The following BRF1 variants were observed in gnomAD, a reference collection of about 807,000 sequenced individuals.
BRF1 encodes transcription factor IIIB 90 kDa subunit.
BRF1 carries 59 observed loss-of-function variants against 81.7 expected under a neutral mutation model. That is an observed-to-expected ratio of 0.72 (90% CI 0.59 to 0.90). The LOEUF is 0.90. Among genes scored for constraint, BRF1 ranks in the 40% least tolerant of loss-of-function variants. The pLI, the probability that BRF1 is intolerant of heterozygous loss-of-function variation, is 0.00. For missense variants in BRF1, 1,050 were observed against 936.3 expected (o/e 1.12, Z -1.58); for synonymous variants, 491 against 395.6 (o/e 1.24, Z -2.86).
intron 14 of BRF1, among the ~76,000 whole-genome samples, chr14:105,218,709 G>A (rs967708718): frequency 2.0e-5 from 3 of 152,246 alleles, no homozygotes; most frequent in Non-Finnish European, 2.9e-5. Flanking sequence ...GGACCCCAGC[G>A]TCCAGCCCCG....
chr14:105,251,576 C>T (rs1025275667), intron 5 of BRF1, among the ~76,000 whole-genome samples: 2 of 152,168 alleles, frequency 1.3e-5, no homozygotes, highest in African/African-American at 4.8e-5. Context: ...CCTCTTGGCA[C>T]CTGGGAGAGG....
upstream of BRF1, among the ~76,000 whole-genome samples, chr14:105,305,086 A>G (rs2058148059): frequency 1.3e-5 from 2 of 152,196 alleles, no homozygotes; most frequent in Non-Finnish European, 2.9e-5. Flanking sequence ...TGCTTCCCTC[A>G]TGAGCGGGAT....
At chr14:105,252,703 C>G in intron 4 of BRF1, 124 bp from the exon 5 acceptor site, 2 of 1,027,766 alleles carry the variant, frequency 1.9e-6, no homozygotes, top group East Asian at 2.8e-5. Flanking sequence ...AGCAGCCACC[C>G]CACACCCGCA....
intron 5 of BRF1, chr14:105,251,175 C>G (rs116165823): frequency 6.3e-6 from 1 of 159,242 alleles, no homozygotes; most frequent in Non-Finnish European, 1.4e-5. Flanking sequence ...CCTCCCATCC[C>G]GAGGAGAAAA....
chr14:105,210,569 A>G lies in BRF1; in HGVS notation c.2016T>C (p.Asp672=), dbSNP rs2141334479. ...MGSNDYGCDG[D]EDDGY ...CCACACTTCAGTAGCCGTCGTCCTC[A>G]TCGCCATCACAGCCATAGTCTGCAG... Residue 672 remains aspartate, a synonymous_variant, in exon 18 of 18, where the codon GAT becomes GAC. Transcript: ENST00000547530. This position sits in a 1 kb window ranked among gnomAD's most constrained non-coding sequence, Gnocchi z 4.7. 6.2e-7 allele frequency: 1 copy of G among 1,611,682 alleles called. No homozygotes were observed. Among genetic ancestry groups the G allele is most frequent in the Admixed American group, 1.7e-5 (1 of 59,990 alleles).
Position 105,309,688 on chromosome 14 carries a change from C to T in BRF1, c.-162+5634G>A, listed in dbSNP as rs1036474875. On this transcript the variant is annotated intron_variant, in intron 1 of 17. Coordinates refer to the BRF1 transcript ENST00000327359. The surrounding 1 kb of genome is among the most constrained non-coding windows in gnomAD (Gnocchi z 4.0). ...TGCGCCCAACCCAGGAGGGGAGCAGCGTGCAGGACACCGAGGATGTCATCA... is the reference window on the plus strand; with the variant it reads ...TGCGCCCAACCCAGGAGGGGAGCAGTGTGCAGGACACCGAGGATGTCATCA... 4.0e-5 allele frequency among the ~76,000 whole-genome samples: 6 copies of T among 150,024 alleles called. No individual in the cohort carries two copies. Among genetic ancestry groups the T allele is most frequent in the Non-Finnish European group, 5.9e-5 (4 of 67,614 alleles).
chr14:105,228,837 C>T lies in BRF1; in HGVS notation c.771G>A (p.Glu257=), dbSNP rs771649813. 12 of 1,613,940 alleles carry T rather than the reference C, an allele frequency of 7.4e-6. No homozygotes were observed. Among genetic ancestry groups the T allele is most frequent in the Middle Eastern group, 1.7e-4 (1 of 6,060 alleles). ...CCCCTCACCTCTTCCGCAGCGTGGA[C>T]TCACACACTTTGACCACACTGATGA... The part of the protein sequence containing the change: ...KEVISVVKVC[E]STLRKRLTEF... The change falls in exon 7 of 18, where the codon GAG becomes GAA. Residue 257 remains glutamate (E), a synonymous_variant. Coordinates refer to ENST00000547530, the MANE Select transcript of BRF1 (RefSeq NM_001519.4).
chr14:105,256,195 A>G, intron 4 of BRF1: 1 of 1,531,782 alleles, frequency 6.5e-7, no homozygotes, highest in Non-Finnish European at 8.7e-7. Flanking sequence ...GTACTCACAA[A>G]AAAATTTTTT....
At chr14:105,259,606 T>C (rs1036594294) in intron 3 of BRF1, among the ~76,000 whole-genome samples, 2 of 152,216 alleles carry the variant, frequency 1.3e-5, no homozygotes, top group African/African-American at 4.8e-5. Flanking sequence ...CAAAACACCA[T>C]GGGCGCCTCT....
intron 2 of BRF1, among the ~76,000 whole-genome samples, chr14:105,281,939 A>C (rs1415513633): frequency 6.6e-6 from 1 of 152,134 alleles, no homozygotes; most frequent in Non-Finnish European, 1.5e-5. Flanking sequence ...ACAGACCAAG[A>C]GAACAGAAAA....
At position 105,241,466 on chromosome 14, in the gene BRF1, C is replaced by T. The variant is rs376561535; in HGVS notation, c.545-52G>A. 39 of 1,601,508 alleles carry T rather than the reference C, an allele frequency of 2.4e-5. No individual in the cohort carries two copies. In the East Asian group the frequency reaches 3.8e-4, roughly 16 times the overall value. On this transcript the variant is annotated intron_variant, in intron 5 of 17. Coordinates refer to ENST00000547530, the MANE Select transcript of BRF1 (RefSeq NM_001519.4). Reference sequence around the variant, plus strand: ...CCACCTCCATGTGCCATGGCACGTGCACAGGCGGCCCACGCAGCCCAGGGG... The same window carrying T: ...CCACCTCCATGTGCCATGGCACGTGTACAGGCGGCCCACGCAGCCCAGGGG...
At chr14:105,229,566 G>A (rs375037560) in intron 6 of BRF1, among the ~76,000 whole-genome samples, 5 of 152,232 alleles carry the variant, frequency 3.3e-5, no homozygotes, top group East Asian at 3.8e-4. Context: ...AGCACCAAGG[G>A]CAAAGTGAGA....
chr14:105,256,302 G>C lies in BRF1; in HGVS notation c.471+216C>G, dbSNP rs768936198. On this transcript the variant is annotated intron_variant, in intron 4 of 17. Transcript: ENST00000547530. ...GCCCAGCATTGGCAGGTGCCCTCCT[G>C]CCATGGAGACCCACACTCCCACAAG... 3.9e-5 allele frequency: 61 copies of C among 1,547,082 alleles called. No individual in the cohort carries two copies. The Admixed American group carries it at 4.5e-4, about 11-fold the overall frequency.
At position 105,209,917 on chromosome 14, in the gene BRF1, G is replaced by T. The variant is rs938985701; in HGVS notation, c.*634C>A. 4 of 386,724 alleles carry T rather than the reference G, an allele frequency of 1.0e-5. No homozygotes were observed. The Admixed American group carries it at 1.3e-4, about 12-fold the overall frequency. The allele number at this position is 386,724 out of a possible 1,614,324, so 24.0% of individuals were successfully genotyped here. The stretch of plus-strand genomic sequence containing the variant: ...GGCGGTGCAGGCAGCGGGGAGGGGG[G>T]TCTGGAGGAGGCAGGGGTGGGGGTG... On this transcript the variant is annotated 3_prime_UTR_variant, in exon 18 of 18. Transcript: ENST00000547530.
Position 105,225,358 on chromosome 14 carries a change from T to C in BRF1, c.1048+711A>G, listed in dbSNP as rs151332785. On this transcript the variant is annotated intron_variant, in intron 10 of 17. Coordinates refer to ENST00000547530, the MANE Select transcript of BRF1 (RefSeq NM_001519.4). Reference sequence around the variant, plus strand: ...GAGATTTCAAAGAAACCTGAAAAGCTAGTTCAGACCATGATGGGAAGTGGG... The same window carrying C: ...GAGATTTCAAAGAAACCTGAAAAGCCAGTTCAGACCATGATGGGAAGTGGG... 2.5e-3 allele frequency among the ~76,000 whole-genome samples: 388 copies of C among 152,288 alleles called. 1 individual carries two copies. Among genetic ancestry groups the C allele is most frequent in the Middle Eastern group, 6.8e-3 (2 of 294 alleles).
intron 1 of BRF1, among the ~76,000 whole-genome samples, chr14:105,310,304 G>T (rs950875939): frequency 3.3e-5 from 5 of 151,250 alleles, no homozygotes; most frequent in African/African-American, 1.2e-4. Context: ...GTCGAGGCGG[G>T]CGGATCATGA....
intron 3 of BRF1, among the ~76,000 whole-genome samples, chr14:105,261,109 G>A (rs887461542): frequency 6.6e-6 from 1 of 152,240 alleles, no homozygotes; most frequent in Admixed American, 6.5e-5. Flanking sequence ...CGGCCCCCAG[G>A]GTGCGAAAGC....
At chr14:105,264,422 T>C (rs1473588867) in intron 3 of BRF1, among the ~76,000 whole-genome samples, 1 of 151,810 alleles carries the variant, frequency 6.6e-6, no homozygotes, top group Non-Finnish European at 1.5e-5. Flanking sequence ...CCCAGCACTT[T>C]GGGAGGCCGA....
intron 15 of BRF1, among the ~76,000 whole-genome samples, chr14:105,216,141 C>T (rs867161489): frequency 6.6e-6 from 1 of 152,202 alleles, no homozygotes; most frequent in Admixed American, 6.5e-5. Flanking sequence ...CAGGCATACA[C>T]GCACTGCATG....
Sources: gnomAD v4.1 joint callset for allele counts (sites outside exome capture counted in the v4.1 genomes callset) on GRCh38, gnomAD v4.1.1 for gene constraint, Gnocchi (gnomAD v3.1) non-coding constraint, MANE v1.5 for transcripts, NCBI Gene and HGNC (gene_info 2026-07-23, HGNC 2026-07-21) for gene names.